SNX29: variants seen among roughly 807,000 people sequenced by gnomAD.
The protein encoded by SNX29 is sorting nexin 29.
A neutral mutation model predicts 102.1 loss-of-function variants in SNX29; 78 were observed. That is an observed-to-expected ratio of 0.76 (90% confidence interval 0.64 to 0.92). The LOEUF (loss-of-function observed/expected upper bound fraction) is 0.92, where lower values mean the gene tolerates loss of function less well. Among genes scored for constraint, SNX29 ranks in the 40% least tolerant of loss-of-function variants. The probability of loss-of-function intolerance (pLI) is 0.00; values close to 1 mark genes in which losing one functional copy is unlikely to be tolerated. For missense variants in SNX29, 1,280 were observed against 1,061.7 expected (o/e 1.21, Z -2.86); for synonymous variants, 580 against 414.5 (o/e 1.40, Z -4.85).
At chr16:12,420,310 A>G (rs1597319316) in intron 18 of SNX29, among the ~76,000 whole-genome samples, 1 of 152,246 alleles carries the variant, frequency 6.6e-6, no homozygotes, top group East Asian at 1.9e-4. Flanking sequence ...CCAATATTTC[A>G]CAGAATCGAA....
chr16:12,043,091 A>T lies in SNX29; in HGVS notation c.428+14A>T. The T allele has an allele frequency of 6.2e-7, 1 of 1,612,578 alleles. No individual in the cohort carries two copies. Among genetic ancestry groups the T allele is most frequent in the South Asian group, 1.1e-5 (1 of 90,956 alleles). On this transcript the variant is annotated intron_variant, in intron 5 of 20. Transcript: ENST00000566228. ...CTGCAGGCTGAGGTACGTGGCCGGG[A>T]TGCGAACTGGGATGGGATGGAGCAA...
At chr16:12,197,335 T>C (rs2076802014) in intron 13 of SNX29, among the ~76,000 whole-genome samples, 1 of 152,032 alleles carries the variant, frequency 6.6e-6, no homozygotes, top group Non-Finnish European at 1.5e-5. Flanking sequence ...TTGGGGAGGC[T>C]GAGGTGGGCG....
chr16:12,534,397 T>C (rs1007057208), intron 20 of SNX29, among the ~76,000 whole-genome samples: 12 of 152,244 alleles, frequency 7.9e-5, no homozygotes, highest in Admixed American at 5.2e-4. Flanking sequence ...CTTCTTTTGC[T>C]TCTTGTCCTC....
At chr16:12,284,871 C>T (rs1017642489) in intron 15 of SNX29, among the ~76,000 whole-genome samples, 1 of 152,048 alleles carries the variant, frequency 6.6e-6, no homozygotes, top group Non-Finnish European at 1.5e-5. Flanking sequence ...ATTACAGATG[C>T]GTGCCACCAC....
At chr16:12,314,603 A>G (rs768873706) in intron 15 of SNX29, among the ~76,000 whole-genome samples, 5 of 152,242 alleles carry the variant, frequency 3.3e-5, no homozygotes, top group Non-Finnish European at 4.4e-5. Context: ...AAGATATACC[A>G]CTTAAGTCTT....
chr16:12,299,615 A>C lies in SNX29; in HGVS notation c.1782+21579A>C, dbSNP rs199972354. On this transcript the variant is annotated intron_variant, in intron 15 of 20. Coordinates refer to ENST00000566228, the MANE Select transcript of SNX29 (RefSeq NM_032167.5). ...TAGGTAGTGGGGAGTGCTCGTTGCT[A>C]CTGGGTTGGCTATTGTTTCTAGGCC... Among the ~76,000 whole-genome samples the C allele has an allele frequency of 3.9e-5, 6 of 152,090 alleles. No individual in the cohort carries two copies. The East Asian group carries it at 1.2e-3, about 29-fold the overall frequency.
chr16:12,456,360 G>A (rs1051371495), intron 18 of SNX29, among the ~76,000 whole-genome samples: 4 of 152,156 alleles, frequency 2.6e-5, no homozygotes, highest in Admixed American at 2.6e-4. Context: ...TCAACCTATG[G>A]CATCAATAAA....
At chr16:11,993,127 C>T (rs568778882) in intron 1 of SNX29, among the ~76,000 whole-genome samples, 2 of 151,904 alleles carry the variant, frequency 1.3e-5, no homozygotes, top group Admixed American at 1.3e-4. Context: ...ATGGCGCCAC[C>T]GTACTCCAGC....
In SNX29 at chr16:12,063,366, C is replaced by CTTTTTTTTTTTTTTTTTTTTTTTTTTT. The variant is rs369015533; in HGVS notation, c.1243+1746_1243+1747insTTTTTTTTTTTTTTTTTTTTTTTTTTT. On this transcript the variant is annotated intron_variant, in intron 9 of 20. Coordinates refer to ENST00000566228, the MANE Select transcript of SNX29 (RefSeq NM_032167.5). ...CCCACCTCTTCTTTTCCTAGTCCAT[C>CTTTTTTTTTTTTTTTTTTTTTTTTTTT]TTTTTTTTTTTTTTTTTTTTTTTTT... 6.5e-4 allele frequency among the ~76,000 whole-genome samples: 36 copies of CTTTTTTTTTTTTTTTTTTTTTTTTTTT among 55,394 alleles called. 7 individuals carry two copies. The highest frequency in any genetic ancestry group is 1.1e-3 in the Admixed American group (4 of 3,582). 36.3% of individuals were successfully genotyped at this position (55,394 alleles called of 152,430 possible).
chr16:12,334,996 C>T (rs543663514), intron 15 of SNX29, among the ~76,000 whole-genome samples: 6 of 145,800 alleles, frequency 4.1e-5, no homozygotes, highest in Non-Finnish European at 5.9e-5. Flanking sequence ...ATTCCGTCAG[C>T]GAATATGCGT....
Position 12,572,059 on chromosome 16 carries a change from C to T in SNX29, c.*3430C>T, listed in dbSNP as rs1598142076. 5.6e-6 allele frequency: 6 copies of T among 1,063,534 alleles called. No individual in the cohort carries two copies. The highest frequency in any genetic ancestry group is 6.8e-6 in the Non-Finnish European group (6 of 878,182). The allele number at this position is 1,063,534 out of a possible 1,614,324, so 65.9% of individuals were successfully genotyped here. A position where few individuals can be genotyped will look rare whatever the true frequency, so the allele number is the denominator to read the frequency against. On this transcript the variant is annotated 3_prime_UTR_variant, in exon 21 of 21. Transcript: ENST00000566228. ...CCAGTGGAGTTGTAAACAAGGGAAC[C>T]ATCTTGCAAGATCTAGGAAGAGGAA...
chr16:12,212,569 C>T (rs2077215035), intron 14 of SNX29, among the ~76,000 whole-genome samples: 1 of 152,142 alleles, frequency 6.6e-6, no homozygotes, highest in Non-Finnish European at 1.5e-5. Flanking sequence ...CTCTGAGCTT[C>T]AGTATTTCCA....
chr16:12,165,202 T>G (rs898310007), intron 13 of SNX29, among the ~76,000 whole-genome samples: 3 of 152,264 alleles, frequency 2.0e-5, no homozygotes, highest in African/African-American at 7.2e-5. Context: ...CCTGTGTTTT[T>G]GCTTTGGAAT....
rs531270484 is a variant in SNX29, at chr16:12,418,127, A to G, written c.2037+14598A>G. ...ACATGACTACCGAGTCACTCCTGATAGTATTCACCCAGAACTTTTAATGAC... is the reference window on the plus strand; with the variant it reads ...ACATGACTACCGAGTCACTCCTGATGGTATTCACCCAGAACTTTTAATGAC... On this transcript the variant is annotated intron_variant, in intron 18 of 20. Coordinates refer to ENST00000566228, the MANE Select transcript of SNX29 (RefSeq NM_032167.5). Among the ~76,000 whole-genome samples, 8 of 152,282 alleles carry G rather than the reference A, an allele frequency of 5.3e-5. No homozygotes were observed. In the South Asian group the frequency reaches 1.2e-3, roughly 24 times the overall value.
At position 12,572,286 on chromosome 16, in the gene SNX29, TG is replaced by T. The variant is rs2141593455; in HGVS notation, c.*3661del. On this transcript the variant is annotated 3_prime_UTR_variant, in exon 21 of 21. Transcript: ENST00000566228. The stretch of plus-strand genomic sequence containing the variant: ...TGTAGCTGATGCAACTAACAAGTAC[TG>T]GGGCCAGTGATCACAATCCAGGTTG... 9.7e-7 allele frequency: 1 copy of T among 1,033,528 alleles called. No individual in the cohort carries two copies. The highest frequency in any genetic ancestry group is 5.4e-5 in the East Asian group (1 of 18,658). 64.0% of individuals were successfully genotyped at this position (1,033,528 alleles called of 1,614,324 possible). A position where few individuals can be genotyped will look rare whatever the true frequency, so the allele number is the denominator to read the frequency against.
rs185938422 is a variant in SNX29, at chr16:12,354,059, G to A, written c.1783-2104G>A. Among the ~76,000 whole-genome samples, 128 of 152,310 alleles carry A rather than the reference G, an allele frequency of 8.4e-4. 2 individuals carry two copies. The Middle Eastern group carries it at 0.014, about 16-fold the overall frequency. On this transcript the variant is annotated intron_variant, in intron 15 of 20. Transcript: ENST00000566228. ...CCTACTTTTATTTTTGTGATAACAGGAACTCTTTGTGATCTCACATTCTCT... is the reference window on the plus strand; with the variant it reads ...CCTACTTTTATTTTTGTGATAACAGAAACTCTTTGTGATCTCACATTCTCT...
chr16:12,075,870 G>A (rs955129153), intron 10 of SNX29, among the ~76,000 whole-genome samples: 2 of 152,238 alleles, frequency 1.3e-5, no homozygotes, highest in Non-Finnish European at 2.9e-5. Flanking sequence ...CTGGGCAATG[G>A]TGGGTGCCCC....
intron 3 of SNX29, among the ~76,000 whole-genome samples, chr16:12,021,279 A>C (rs910698995): frequency 2.0e-5 from 3 of 152,142 alleles, no homozygotes; most frequent in African/African-American, 7.2e-5. Flanking sequence ...TAAAAATATT[A>C]GCTGGGCATG....
chr16:12,544,826 C>T (rs1444764791), intron 20 of SNX29, among the ~76,000 whole-genome samples: 1 of 152,206 alleles, frequency 6.6e-6, no homozygotes. Context: ...ACTGCTTCAG[C>T]AAGAACTCCT....
Sources: allele counts gnomAD v4.1 joint callset (sites outside exome capture counted in the v4.1 genomes callset), GRCh38; gene constraint gnomAD v4.1.1; transcripts MANE v1.5; gene names NCBI Gene and HGNC (gene_info 2026-07-23, HGNC 2026-07-21).